The following UNKL variants were observed in gnomAD, a reference collection of about 807,000 sequenced individuals.
The protein encoded by UNKL is unk like zinc finger, also known as putative E3 ubiquitin-protein ligase UNKL.
In UNKL, 60 loss-of-function variants were observed where a neutral mutation model predicts 78.0. The ratio of observed to expected loss-of-function variants is 0.77; its 90% confidence interval spans 0.63 to 0.95. UNKL has a LOEUF of 0.95. Among genes scored for constraint, UNKL ranks in the 40% least tolerant of loss-of-function variants. The pLI is 0.00. For missense variants in UNKL, 1,159 were observed against 1,045.7 expected (o/e 1.11, Z -1.49); for synonymous variants, 608 against 474.8 (o/e 1.28, Z -3.65).
In UNKL at chr16:1,403,563, CCAGTCAAA is replaced by C. The variant is rs1017714201; in HGVS notation, c.288-227_288-220del. On this transcript the variant is annotated intron_variant, in intron 2 of 14. Coordinates refer to ENST00000389221, the MANE Select transcript of UNKL (RefSeq NM_001372107.1). The surrounding 1 kb of genome is among the most constrained non-coding windows in gnomAD (Gnocchi z 4.8). Reference sequence around the variant, plus strand: ...CAGACCACCGCAAACCCCCAGTCAACCAGTCAAACACAGTAAGAAACACAGACCATCGC... The same window carrying C: ...CAGACCACCGCAAACCCCCAGTCAACCACAGTAAGAAACACAGACCATCGC... Among the ~76,000 whole-genome samples the C allele has an allele frequency of 2.0e-5, 3 of 152,156 alleles. No individual in the cohort carries two copies. The highest frequency in any genetic ancestry group is 2.9e-5 in the Non-Finnish European group (2 of 68,040).
intron 9 of UNKL, 106 bp downstream of exon 9, chr16:1,390,526 C>T (rs1166326097): frequency 9.9e-6 from 12 of 1,217,422 alleles, no homozygotes; most frequent in African/African-American, 6.1e-5. Flanking sequence ...ACCAAGGATG[C>T]ATGAGCGCTG....
In UNKL at chr16:1,366,180, G is replaced by A. The variant is rs532025980; in HGVS notation, c.*60C>T. 57 of 1,426,298 alleles carry A rather than the reference G, an allele frequency of 4.0e-5. No individual in the cohort carries two copies. Among genetic ancestry groups the A allele is most frequent in the Middle Eastern group, 2.6e-4 (1 of 3,840 alleles). The allele number at this position is 1,426,298 out of a possible 1,614,324, so 88.4% of individuals were successfully genotyped here. Reference sequence around the variant, plus strand: ...ACCAGAAGCGAGTGACGACATGTCCGTGGTCAGGAGGAGCGCTGGAGCCAG... The same window carrying A: ...ACCAGAAGCGAGTGACGACATGTCCATGGTCAGGAGGAGCGCTGGAGCCAG... On this transcript the variant is annotated 3_prime_UTR_variant, in exon 15 of 15. Transcript: ENST00000389221.
intron 11 of UNKL, among the ~76,000 whole-genome samples, 152 bp downstream of exon 11, chr16:1,371,367 C>G (rs1285970506): frequency 6.6e-6 from 1 of 152,126 alleles, no homozygotes; most frequent in Non-Finnish European, 1.5e-5. Context: ...AACCAGACAC[C>G]GGGTCTTGCC....
chr16:1,412,505 A>G (rs2038084962), intron 2 of UNKL, among the ~76,000 whole-genome samples: 1 of 152,190 alleles, frequency 6.6e-6, no homozygotes, highest in Admixed American at 6.5e-5. Context: ...CCAGCTATTC[A>G]GGAGGCTGAG....
chr16:1,383,543 T>C, intron 10 of UNKL: 4 of 337,756 alleles, frequency 1.2e-5, no homozygotes, highest in South Asian at 8.6e-5. Context: ...ACTGGTCTAG[T>C]GTCCTGCCGA....
At chr16:1,375,328 C>T (rs1201804117) in intron 10 of UNKL, among the ~76,000 whole-genome samples, 1 of 152,154 alleles carries the variant, frequency 6.6e-6, no homozygotes, top group South Asian at 2.1e-4. Flanking sequence ...AAGCCTGGCT[C>T]GGGAGTGGAC....
intron 10 of UNKL, among the ~76,000 whole-genome samples, chr16:1,375,348 C>T (rs1182065857): frequency 1.3e-5 from 2 of 152,170 alleles, no homozygotes; most frequent in African/African-American, 4.8e-5. Context: ...CGGTGGACTC[C>T]AGAGGCCGCA....
In UNKL at chr16:1,398,690, C is replaced by T. The variant is rs1299179700; in HGVS notation, c.734+684G>A. ...ACCCTGTGGGGTCTGCACCCCCCCA[C>T]CCCCCTCTCAGGTGCAAACTGCAGA... On this transcript the variant is annotated intron_variant, in intron 5 of 14. Transcript: ENST00000389221. 2 of 1,182,736 alleles carry T rather than the reference C, an allele frequency of 1.7e-6. 1 individual carries two copies. Among genetic ancestry groups the T allele is most frequent in the Admixed American group, 9.1e-5 (2 of 21,956 alleles). The allele number at this position is 1,182,736 out of a possible 1,614,324, so 73.3% of individuals were successfully genotyped here.
At chr16:1,384,943 G>A (rs1276380571) in intron 10 of UNKL, among the ~76,000 whole-genome samples, 3 of 152,138 alleles carry the variant, frequency 2.0e-5, no homozygotes, top group Non-Finnish European at 4.4e-5. Flanking sequence ...TGAGCCGGAC[G>A]GCGCCTGCTC....
At chr16:1,369,968 C>CG (rs1567200757) in intron 12 of UNKL, 162 bp downstream of exon 12, 10 of 1,550,416 alleles carry the variant, frequency 6.4e-6, no homozygotes, top group Non-Finnish European at 8.7e-6. Flanking sequence ...GAGCGAGACT[C>CG]GGTCTGCGGC....
At chr16:1,397,058 G>C in intron 6 of UNKL, 120 bp downstream of exon 6, 3 of 1,122,356 alleles carry the variant, frequency 2.7e-6, no homozygotes, top group Non-Finnish European at 3.8e-6. Context: ...TTCCCGACCT[G>C]TGCCAGCCCT....
intron 11 of UNKL, 109 bp from the exon 12 acceptor site, chr16:1,370,466 G>C: frequency 4.7e-6 from 6 of 1,274,418 alleles, no homozygotes; most frequent in Non-Finnish European, 6.3e-6. Flanking sequence ...TGGTGGTGGG[G>C]ATATGGGGGG....
intron 12 of UNKL, among the ~76,000 whole-genome samples, chr16:1,368,398 C>G (rs1020050747): frequency 1.9e-4 from 29 of 151,128 alleles, no homozygotes; most frequent in Non-Finnish European, 3.1e-4. Context: ...GTCAGGAGAT[C>G]GAGACCATCC....
intron 10 of UNKL, among the ~76,000 whole-genome samples, chr16:1,379,939 C>T (rs952687673): frequency 6.6e-6 from 1 of 152,216 alleles, no homozygotes; most frequent in African/African-American, 2.4e-5. Flanking sequence ...CCACCTGCAC[C>T]TGCAGCTGCT....
intron 2 of UNKL, among the ~76,000 whole-genome samples, chr16:1,407,578 C>T (rs1365923533): frequency 6.6e-6 from 1 of 151,914 alleles, no homozygotes; most frequent in African/African-American, 2.4e-5. Context: ...CGCCTATGGT[C>T]CCAGCTACTT....
At chr16:1,369,533 C>T (rs574515132) in intron 12 of UNKL, among the ~76,000 whole-genome samples, 1 of 152,218 alleles carries the variant, frequency 6.6e-6, no homozygotes, top group African/African-American at 2.4e-5. Flanking sequence ...CCACACCCGG[C>T]TAATTTTGTA....
chr16:1,367,515 CCTCCCG>C, intron 13 of UNKL, 135 bp downstream of exon 13: 5 of 743,002 alleles, frequency 6.7e-6, no homozygotes, highest in Non-Finnish European at 9.9e-6. Context: ...CCTCCCTCCC[CCTCCCG>C]TCTCACCCCC....
Position 1,394,230 on chromosome 16 carries a change from GAAAT to G in UNKL, c.853-19_853-16del, listed in dbSNP as rs1479553466. ...GATTTGTAGATCTGGGGAAAAAAGT[GAAAT>G]AAAGAGGTTGGATTGGAAATGGGAT... On this transcript the variant is annotated splice_polypyrimidine_tract_variant and intron_variant, in intron 6 of 14. Transcript: ENST00000389221. 14 of 1,550,280 alleles carry G rather than the reference GAAAT, an allele frequency of 9.0e-6. No individual in the cohort carries two copies. The East Asian group carries it at 3.4e-4, about 38-fold the overall frequency.
chr16:1,402,121 C>T lies in UNKL; in HGVS notation c.465-420G>A, dbSNP rs555620774. 7.2e-5 allele frequency among the ~76,000 whole-genome samples: 11 copies of T among 152,352 alleles called. No homozygotes were observed. In the South Asian group the frequency reaches 1.7e-3, roughly 23 times the overall value. ...GGATTCGCTTTTCTGCAGCCCCAGACCATGTGCTGAGTTCGTTCTCCTGGA... is the reference window on the plus strand; with the variant it reads ...GGATTCGCTTTTCTGCAGCCCCAGATCATGTGCTGAGTTCGTTCTCCTGGA... On this transcript the variant is annotated intron_variant, in intron 3 of 14. Transcript: ENST00000389221.
Sources: allele counts gnomAD v4.1 joint callset (sites outside exome capture counted in the v4.1 genomes callset), GRCh38; gene constraint gnomAD v4.1.1; non-coding constraint Gnocchi (gnomAD v3.1); transcripts MANE v1.5; gene names NCBI Gene and HGNC (gene_info 2026-07-23, HGNC 2026-07-21).